Variants in LRP1B observed in about 807,000 individuals in gnomAD.
The protein encoded by LRP1B is low-density lipoprotein receptor-related protein 1B.
Under a neutral mutation model 556.6 loss-of-function variants are expected in LRP1B, and 217 were observed. The ratio of observed to expected loss-of-function variants is 0.39; its 90% CI spans 0.35 to 0.44. The LOEUF is 0.44. LRP1B is among the 20% of genes least tolerant of loss of function. LRP1B has a pLI of 1.00. For missense variants in LRP1B, 5,053 were observed against 5,620.8 expected, an observed-to-expected ratio of 0.90 and a Z score of 3.23; for synonymous variants, 2,047 against 1,865.8, an observed-to-expected ratio of 1.10 and a Z score of -2.50.
chr2:141,120,623 A>G (rs1009604203), intron 7 of LRP1B, among the ~76,000 whole-genome samples: 2 of 151,996 alleles, frequency 1.3e-5, no homozygotes, highest in African/African-American at 4.8e-5. Flanking sequence ...TCATTTTCAG[A>G]TTTATAATGA....
chr2:141,539,610 G>T (rs756578044), intron 2 of LRP1B, among the ~76,000 whole-genome samples: 21 of 152,070 alleles, frequency 1.4e-4, no homozygotes, highest in Non-Finnish European at 2.6e-4. Context: ...ACAGTTGATG[G>T]TTGCAGGATT....
chr2:140,866,861 G>T (rs568690848), intron 27 of LRP1B, among the ~76,000 whole-genome samples: 5 of 152,040 alleles, frequency 3.3e-5, no homozygotes, highest in East Asian at 1.9e-4. Flanking sequence ...GAGTTAGAAG[G>T]TCTGCTTATT....
At chr2:140,633,011 C>A (rs1249397515) in intron 41 of LRP1B, among the ~76,000 whole-genome samples, 4 of 149,232 alleles carry the variant, frequency 2.7e-5, no homozygotes, top group African/African-American at 9.9e-5. Flanking sequence ...TGCAGTGAGC[C>A]GAGATCATGC....
intron 1 of LRP1B, among the ~76,000 whole-genome samples, chr2:141,929,533 C>T (rs765717434): frequency 5.9e-5 from 9 of 151,878 alleles, no homozygotes; most frequent in Non-Finnish European, 1.0e-4. Context: ...TTCCTCAGTC[C>T]TTACACATGT....
intron 41 of LRP1B, among the ~76,000 whole-genome samples, chr2:140,675,523 C>T (rs1057495656): frequency 5.3e-5 from 8 of 152,164 alleles, no homozygotes; most frequent in African/African-American, 1.4e-4. Context: ...TCTTAATGTG[C>T]TGAAAGTTAC....
At chr2:140,312,383 G>A (rs1684339418) in intron 83 of LRP1B, among the ~76,000 whole-genome samples, 1 of 151,864 alleles carries the variant, frequency 6.6e-6, no homozygotes, top group Non-Finnish European at 1.5e-5. Context: ...AGGAAAGTTT[G>A]ACTCACTTTG....
At chr2:140,317,145 C>T (rs965330336) in intron 82 of LRP1B, among the ~76,000 whole-genome samples, 1 of 151,962 alleles carries the variant, frequency 6.6e-6, no homozygotes, top group Non-Finnish European at 1.5e-5. Flanking sequence ...AAAGGAATTA[C>T]AATAGGTAAG....
Position 140,423,113 on chromosome 2 carries a change from G to A in LRP1B, c.10414+19391C>T, listed in dbSNP as rs905244322. ...GAAAAAAGCTCTGGAATTTAAGGCC[G>A]GCCTCACCACCTCTCACCTTACACC... On this transcript the variant is annotated intron_variant, in intron 66 of 90. Transcript: ENST00000389484. 6.6e-5 allele frequency among the ~76,000 whole-genome samples: 10 copies of A among 152,132 alleles called. 1 individual carries two copies. Among genetic ancestry groups the A allele is most frequent in the Admixed American group, 3.9e-4 (6 of 15,266 alleles).
chr2:140,859,509 A>G (rs1183730065), intron 27 of LRP1B, among the ~76,000 whole-genome samples: 1 of 152,144 alleles, frequency 6.6e-6, no homozygotes, highest in African/African-American at 2.4e-5. Flanking sequence ...AGGCACTTAA[A>G]TCATTTCGAT....
At chr2:140,739,559 C>T (rs1219678293) in intron 35 of LRP1B, among the ~76,000 whole-genome samples, 4 of 152,152 alleles carry the variant, frequency 2.6e-5, no homozygotes, top group Non-Finnish European at 4.4e-5. Context: ...TAAACTTAAA[C>T]AAACGCCTAA....
chr2:141,303,771 T>C (rs1686482454), intron 3 of LRP1B, among the ~76,000 whole-genome samples: 2 of 152,148 alleles, frequency 1.3e-5, no homozygotes, highest in African/African-American at 2.4e-5. Context: ...TCTTTTCCTT[T>C]GGATAACCAA....
At chr2:140,327,203 G>C (rs1241666906) in intron 79 of LRP1B, among the ~76,000 whole-genome samples, 2 of 152,106 alleles carry the variant, frequency 1.3e-5, no homozygotes, top group Non-Finnish European at 2.9e-5. Context: ...AGGTACTTTT[G>C]AGTCTGTGCT....
intron 61 of LRP1B, 71 bp downstream of exon 61, chr2:140,457,392 G>T: frequency 8.3e-7 from 1 of 1,198,806 alleles, no homozygotes; most frequent in Non-Finnish European, 1.2e-6. Flanking sequence ...ATTTAACCTT[G>T]AAATAATAAA....
In LRP1B at chr2:140,371,377, G is replaced by C. The variant is rs930618990; in HGVS notation, c.10769-92C>G. Reference sequence around the variant, plus strand: ...AAACACATAAATATATGAATTTATAGATGGTAATAAAAATAGTTTATACTA... The same window carrying C: ...AAACACATAAATATATGAATTTATACATGGTAATAAAAATAGTTTATACTA... On this transcript the variant is annotated intron_variant, in intron 69 of 90. Coordinates refer to ENST00000389484, the MANE Select transcript of LRP1B (RefSeq NM_018557.3). The C allele has an allele frequency of 5.4e-5, 30 of 550,814 alleles. 1 individual carries two copies. In the South Asian group the frequency reaches 6.5e-4, roughly 12 times the overall value. 34.1% of individuals were successfully genotyped at this position (550,814 alleles called of 1,614,324 possible). A position where few individuals can be genotyped will look rare whatever the true frequency, so the allele number is the denominator to read the frequency against.
At chr2:141,532,388 C>T (rs1178941845) in intron 2 of LRP1B, among the ~76,000 whole-genome samples, 2 of 151,938 alleles carry the variant, frequency 1.3e-5, no homozygotes, top group Non-Finnish European at 2.9e-5. Context: ...ACTGAACAAA[C>T]ATGTCCTCAG....
intron 41 of LRP1B, among the ~76,000 whole-genome samples, chr2:140,602,937 C>T (rs1682729437): frequency 6.6e-6 from 1 of 151,898 alleles, no homozygotes; most frequent in South Asian, 2.1e-4. Flanking sequence ...CTTATAGTCA[C>T]AGGGCTGATA....
chr2:140,535,178 C>G (rs1365144359), intron 46 of LRP1B, among the ~76,000 whole-genome samples: 1 of 152,112 alleles, frequency 6.6e-6, no homozygotes, highest in East Asian at 1.9e-4. Flanking sequence ...CCAGCTGAAC[C>G]TTTACAGAAA....
At chr2:141,100,526 T>A (rs1307286118) in intron 7 of LRP1B, among the ~76,000 whole-genome samples, 1 of 152,156 alleles carries the variant, frequency 6.6e-6, no homozygotes, top group Non-Finnish European at 1.5e-5. Context: ...TGGAAGAAGT[T>A]ATTCTTTCTT....
chr2:140,489,011 A>C (rs1213350079), intron 57 of LRP1B, among the ~76,000 whole-genome samples: 1 of 152,050 alleles, frequency 6.6e-6, no homozygotes. Context: ...AGATTTAAAT[A>C]GTTCTTTGTA....
Sources: gnomAD v4.1 joint callset for allele counts (sites outside exome capture counted in the v4.1 genomes callset) on GRCh38, gnomAD v4.1.1 for gene constraint, MANE v1.5 for transcripts, NCBI Gene and HGNC (gene_info 2026-07-23, HGNC 2026-07-21) for gene names.